Variants in DHRS3 observed in about 807,000 individuals in gnomAD.
DHRS3 encodes short-chain dehydrogenase/reductase 3.
A neutral mutation model predicts 27.2 loss-of-function variants in DHRS3; 14 were observed. The observed-to-expected ratio is 0.52, with a 90% confidence interval of 0.34 to 0.81. DHRS3 has a LOEUF of 0.81. Among genes scored for constraint, DHRS3 ranks in the 30% least tolerant of loss-of-function variants. DHRS3 has a pLI of 0.01. For missense variants in DHRS3, 322 were observed against 406.2 expected, an observed-to-expected ratio of 0.79 and a Z score of 1.78; for synonymous variants, 165 against 175.9, an observed-to-expected ratio of 0.94 and a Z score of 0.49.
intron 1 of DHRS3, among the ~76,000 whole-genome samples, chr1:12,614,811 G>T (rs189090713): frequency 6.6e-6 from 1 of 150,930 alleles, no homozygotes; most frequent in Admixed American, 6.6e-5. Context: ...AATCTAGGCT[G>T]GGAAGCTCTC....
intron 1 of DHRS3, among the ~76,000 whole-genome samples, chr1:12,601,986 G>A (rs1646838708): frequency 6.6e-6 from 1 of 152,176 alleles, no homozygotes; most frequent in Non-Finnish European, 1.5e-5. Context: ...CATTTATTAA[G>A]TATCTACTGT....
chr1:12,595,352 G>A (rs1366660965), intron 1 of DHRS3, among the ~76,000 whole-genome samples: 1 of 151,914 alleles, frequency 6.6e-6, no homozygotes, highest in Non-Finnish European at 1.5e-5. Flanking sequence ...CAGCGGGTCG[G>A]GCAGGAGGCT....
chr1:12,583,114 A>G (rs1646658903), intron 1 of DHRS3, among the ~76,000 whole-genome samples: 1 of 146,008 alleles, frequency 6.8e-6, no homozygotes, highest in African/African-American at 2.6e-5. Flanking sequence ...CCATCCATCC[A>G]TGCATTCATC....
chr1:12,588,399 G>T (rs774256882), intron 1 of DHRS3, among the ~76,000 whole-genome samples: 2 of 152,178 alleles, frequency 1.3e-5, no homozygotes, highest in Admixed American at 6.5e-5. Flanking sequence ...TAGGTAAGCC[G>T]CAGACAGACA....
intron 1 of DHRS3, among the ~76,000 whole-genome samples, chr1:12,596,627 A>G (rs927392289): frequency 2.6e-5 from 4 of 152,066 alleles, no homozygotes; most frequent in Non-Finnish European, 4.4e-5. Context: ...CTTTGGAATG[A>G]AAAGCAGCCT....
At chr1:12,579,110 A>G in intron 3 of DHRS3, 154 bp from the exon 4 acceptor site, 1 of 1,267,388 alleles carries the variant, frequency 7.9e-7, no homozygotes, top group Non-Finnish European at 1.1e-6. Context: ...CTGCCCCAGG[A>G]CACCGAGCAT....
At chr1:12,585,384 TCTGTGTGTGA>T (rs1280913172) in intron 1 of DHRS3, among the ~76,000 whole-genome samples, 3 of 94,576 alleles carry the variant, frequency 3.2e-5, no homozygotes, top group Non-Finnish European at 8.1e-5. Context: ...TGAGTGTGTG[TCTGTGTGTGA>T]CTGTGTGTGT....
intron 1 of DHRS3, among the ~76,000 whole-genome samples, chr1:12,584,800 G>A (rs1008403005): frequency 2.0e-5 from 3 of 152,194 alleles, no homozygotes; most frequent in Admixed American, 2.0e-4. Flanking sequence ...TCTGGCTGCT[G>A]TGCGCATGCC....
At chr1:12,575,982 C>T (rs1233575607) in intron 4 of DHRS3, among the ~76,000 whole-genome samples, 2 of 151,836 alleles carry the variant, frequency 1.3e-5, no homozygotes, top group African/African-American at 4.8e-5. Flanking sequence ...GCTGGGATTA[C>T]AGGCGTGAGC....
Position 12,618,055 on chromosome 1 carries a change from T to A in DHRS3, c.-707A>T, listed in dbSNP as rs1646957841. 6.6e-6 allele frequency among the ~76,000 whole-genome samples: 1 copy of A among 151,934 alleles called. No individual in the cohort carries two copies. Among genetic ancestry groups the A allele is most frequent in the Non-Finnish European group, 1.5e-5 (1 of 67,984 alleles). ...GTGCAGCGCTCGCCCTCGCGCGCGC[T>A]CGCTCGCTCCGGCTCCCTCCCTCCC... On this transcript the variant is annotated 5_prime_UTR_variant, in exon 1 of 6. Coordinates refer to ENST00000616661, the MANE Select transcript of DHRS3 (RefSeq NM_004753.7). This position sits in a 1 kb window ranked among gnomAD's most constrained non-coding sequence, Gnocchi z 4.2.
At chr1:12,575,328 AAAG>A (rs1257551003) in intron 4 of DHRS3, among the ~76,000 whole-genome samples, 3 of 149,764 alleles carry the variant, frequency 2.0e-5, no homozygotes, top group African/African-American at 7.5e-5. Flanking sequence ...CTTTGTATCA[AAAG>A]AAAAAAAAAA....
intron 1 of DHRS3, among the ~76,000 whole-genome samples, chr1:12,602,220 C>T (rs1646840366): frequency 6.6e-6 from 1 of 152,168 alleles, no homozygotes; most frequent in African/African-American, 2.4e-5. Flanking sequence ...GGGGGTTGGG[C>T]AGCCAGGACC....
At chr1:12,614,474 G>GTCC (rs1646930622) in intron 1 of DHRS3, among the ~76,000 whole-genome samples, 1 of 151,550 alleles carries the variant, frequency 6.6e-6, no homozygotes, top group South Asian at 2.1e-4. Flanking sequence ...GGAGAGATGT[G>GTCC]TCCGGAGCTT....
At chr1:12,584,659 C>T (rs1308633472) in intron 1 of DHRS3, among the ~76,000 whole-genome samples, 1 of 152,198 alleles carries the variant, frequency 6.6e-6, no homozygotes. Context: ...CTTGGCTAAG[C>T]CATTTAGGGC....
chr1:12,617,431 T>C lies in DHRS3; in HGVS notation c.-83A>G. On this transcript the variant is annotated 5_prime_UTR_variant, in exon 1 of 6. Transcript: ENST00000616661. ...ATTAAAAAACACCCCGAACAATAAA[T>C]AGTAAACCGAATAAGGAGGAGAGAG... 1 of 1,430,234 alleles carries C rather than the reference T, an allele frequency of 7.0e-7. No individual in the cohort carries two copies. The highest frequency in any genetic ancestry group is 1.4e-5 in the South Asian group (1 of 73,392). The allele number at this position is 1,430,234 out of a possible 1,614,324, so 88.6% of individuals were successfully genotyped here.
chr1:12,610,574 CCATT>C (rs1231991722), intron 1 of DHRS3, among the ~76,000 whole-genome samples: 1 of 152,158 alleles, frequency 6.6e-6, no homozygotes, highest in African/African-American at 2.4e-5. Flanking sequence ...TTCCCACCAA[CCATT>C]CATTCATTTG....
chr1:12,604,529 C>T (rs1646856914), intron 1 of DHRS3, among the ~76,000 whole-genome samples: 1 of 152,220 alleles, frequency 6.6e-6, no homozygotes, highest in African/African-American at 2.4e-5. Flanking sequence ...ATCCTGTTGA[C>T]TCATTCACTG....
rs1646569942 is a variant in DHRS3 at position 12,574,678 on chromosome 1, G to T, written c.699-1825C>A. On this transcript the variant is annotated intron_variant, in intron 4 of 5. Coordinates refer to ENST00000616661, the MANE Select transcript of DHRS3 (RefSeq NM_004753.7). The surrounding 1 kb of genome is among the most constrained non-coding windows in gnomAD (Gnocchi z 4.6). ...TGGACAGACCAAAGTCCATGGGCTTGACGGGAATCCTTCTTGGTAAGACCC... is the reference window on the plus strand; with the variant it reads ...TGGACAGACCAAAGTCCATGGGCTTTACGGGAATCCTTCTTGGTAAGACCC... Among the ~76,000 whole-genome samples, 1 of 152,230 alleles carries T rather than the reference G, an allele frequency of 6.6e-6. No homozygotes were observed. Among genetic ancestry groups the T allele is most frequent in the African/African-American group, 2.4e-5 (1 of 41,468 alleles).
intron 1 of DHRS3, among the ~76,000 whole-genome samples, chr1:12,609,326 G>A (rs1404451551): frequency 2.0e-5 from 3 of 152,004 alleles, no homozygotes; most frequent in Admixed American, 2.0e-4. Flanking sequence ...GAAGCTGGTT[G>A]TCACTTCCTC....
Sources: gnomAD v4.1 joint callset for allele counts (sites outside exome capture counted in the v4.1 genomes callset) on GRCh38, gnomAD v4.1.1 for gene constraint, Gnocchi (gnomAD v3.1) non-coding constraint, MANE v1.5 for transcripts, NCBI Gene and HGNC (gene_info 2026-07-23, HGNC 2026-07-21) for gene names.